Variants in UPF2 observed in about 807,000 individuals in gnomAD.
The protein encoded by UPF2 is UPF2 regulator of nonsense mediated mRNA decay.
Under a neutral mutation model 141.4 loss-of-function variants are expected in UPF2, and 17 were observed. The ratio of observed to expected loss-of-function variants is 0.12; its 90% confidence interval spans 0.08 to 0.18. The LOEUF (loss-of-function observed/expected upper bound fraction) is 0.18, where lower values mean the gene tolerates loss of function less well. Among genes scored for constraint, UPF2 ranks in the 10% least tolerant of loss-of-function variants. The probability of loss-of-function intolerance (pLI) is 1.00; values close to 1 mark genes in which losing one functional copy is unlikely to be tolerated. For synonymous variants in UPF2, 540 were observed against 498.0 expected, an observed-to-expected ratio of 1.08 and a Z score of -1.12; for missense variants, 1,152 against 1,515.9, an observed-to-expected ratio of 0.76 and a Z score of 3.99.
intron 9 of UPF2, among the ~76,000 whole-genome samples, chr10:11,967,781 C>T (rs1833346926): frequency 1.3e-5 from 2 of 152,134 alleles, no homozygotes; most frequent in African/African-American, 4.8e-5. Context: ...TCCCCAACTT[C>T]TGACCTCAGG....
rs1386049526 is a variant in UPF2, at chr10:11,935,223, C to T, written c.3546+1322G>A. ...TATCCTCTTACCCTGCTTTATCCTC[C>T]TTGGTAGCCATCCCAACGTGACTTG... is the stretch of plus-strand genomic sequence containing the variant. On this transcript the variant is annotated intron_variant, in intron 19 of 21. Coordinates refer to ENST00000357604, the MANE Select transcript of UPF2 (RefSeq NM_015542.4). The surrounding 1 kb of genome is among the most constrained non-coding windows in gnomAD (Gnocchi z 4.9). Among the ~76,000 whole-genome samples the T allele has an allele frequency of 6.6e-6, 1 of 152,118 alleles. No homozygotes were observed. The highest frequency in any genetic ancestry group is 1.5e-5 in the Non-Finnish European group (1 of 68,016).
At chr10:11,927,169 G>A (rs1026123222) in intron 21 of UPF2, among the ~76,000 whole-genome samples, 4 of 152,178 alleles carry the variant, frequency 2.6e-5, no homozygotes, top group African/African-American at 7.2e-5. Flanking sequence ...GAGTGTACAC[G>A]GAGGGAGGCA....
chr10:12,018,608 T>C (rs1219476387), intron 3 of UPF2, among the ~76,000 whole-genome samples: 23 of 151,022 alleles, frequency 1.5e-4, no homozygotes. Flanking sequence ...AAAAATTAGT[T>C]GGATGCGGTG....
chr10:12,030,320 G>C (rs1372319176), intron 2 of UPF2, among the ~76,000 whole-genome samples: 1 of 151,862 alleles, frequency 6.6e-6, no homozygotes, highest in Non-Finnish European at 1.5e-5. Context: ...GATCACCTAA[G>C]GTCAGGGGTT....
chr10:11,934,087 G>A (rs1239254382), intron 19 of UPF2, among the ~76,000 whole-genome samples: 4 of 152,204 alleles, frequency 2.6e-5, no homozygotes, highest in South Asian at 4.1e-4. Context: ...CCGGTGATGG[G>A]GGGAATGGAG....
chr10:11,950,994 G>C (rs1339097847), intron 15 of UPF2, among the ~76,000 whole-genome samples: 1 of 152,206 alleles, frequency 6.6e-6, no homozygotes, highest in African/African-American at 2.4e-5. Flanking sequence ...TGACAGACAT[G>C]AATGTACCAA....
intron 18 of UPF2, among the ~76,000 whole-genome samples, chr10:11,942,327 C>G (rs901415875): frequency 5.3e-5 from 8 of 151,976 alleles, no homozygotes; most frequent in Non-Finnish European, 4.4e-5. Context: ...GAGCTGAGAT[C>G]GTGCCACTGC....
At chr10:11,974,639 G>C (rs1466401808) in intron 9 of UPF2, among the ~76,000 whole-genome samples, 1 of 152,198 alleles carries the variant, frequency 6.6e-6, no homozygotes, top group Non-Finnish European at 1.5e-5. Context: ...AGATAAGCGT[G>C]TGGTTTTTGT....
chr10:12,034,273 T>C (rs559733975), intron 2 of UPF2, among the ~76,000 whole-genome samples: 2 of 152,264 alleles, frequency 1.3e-5, no homozygotes, highest in South Asian at 4.1e-4. Flanking sequence ...TTCAATTTTT[T>C]TAAAAAATGG....
chr10:11,926,347 T>C (rs534985959), intron 21 of UPF2, among the ~76,000 whole-genome samples: 7 of 151,566 alleles, frequency 4.6e-5, no homozygotes, highest in Non-Finnish European at 8.8e-5. Flanking sequence ...AAGTCAGAAA[T>C]GAAAATGTGA....
intron 3 of UPF2, among the ~76,000 whole-genome samples, chr10:12,024,613 AAATT>A (rs960966549): frequency 5.3e-5 from 8 of 151,762 alleles, no homozygotes; most frequent in African/African-American, 1.9e-4. Flanking sequence ...CCGTCTCGAA[AAATT>A]AATTAATTTA....
At chr10:11,954,538 G>A in intron 14 of UPF2, among the ~76,000 whole-genome samples, 1 of 151,300 alleles carries the variant, frequency 6.6e-6, no homozygotes. Context: ...GGAGGCTGAG[G>A]CAGGAGAATT....
intron 16 of UPF2, among the ~76,000 whole-genome samples, chr10:11,944,564 A>T (rs1249965898): frequency 3.9e-5 from 6 of 152,188 alleles, no homozygotes; most frequent in Admixed American, 3.9e-4. Context: ...TTCTGAATTA[A>T]TTTTATAATT....
chr10:12,026,520 C>T, intron 3 of UPF2: 1 of 380,090 alleles, frequency 2.6e-6, no homozygotes, highest in Non-Finnish European at 5.2e-6. Flanking sequence ...TAAAAGTGGA[C>T]ACATATGTCC....
At position 11,992,006 on chromosome 10, in the gene UPF2, C is replaced by T. The variant is rs540406071; in HGVS notation, c.1844+5666G>A. 1.2e-3 allele frequency among the ~76,000 whole-genome samples: 171 copies of T among 142,990 alleles called. No individual in the cohort carries two copies. Among genetic ancestry groups the T allele is most frequent in the Non-Finnish European group, 2.2e-3 (138 of 62,300 alleles). 93.8% of individuals were successfully genotyped at this position (142,990 alleles called of 152,430 possible). A position where few individuals can be genotyped will look rare whatever the true frequency, so the allele number is the denominator to read the frequency against. On this transcript the variant is annotated intron_variant, in intron 8 of 21. Coordinates refer to ENST00000357604, the MANE Select transcript of UPF2 (RefSeq NM_015542.4). The surrounding 1 kb of genome is among the most constrained non-coding windows in gnomAD (Gnocchi z 4.1). Reference sequence around the variant, plus strand: ...ACTAAAAATACAAAAATTAGCTGGGCGTGGTGGCGGGCGCCTGTAATCCCA... The same window carrying T: ...ACTAAAAATACAAAAATTAGCTGGGTGTGGTGGCGGGCGCCTGTAATCCCA...
chr10:12,038,413 CACACACAA>C (rs1170944830), intron 1 of UPF2, among the ~76,000 whole-genome samples: 7 of 149,982 alleles, frequency 4.7e-5, no homozygotes, highest in African/African-American at 1.7e-4. Context: ...CACACACACA[CACACACAA>C]ATTACCTTTA....
intron 15 of UPF2, 42 bp downstream of exon 15, chr10:11,952,024 C>G (rs1424569848): frequency 1.3e-6 from 2 of 1,584,374 alleles, no homozygotes; most frequent in South Asian, 2.2e-5. Context: ...AAATAATCTG[C>G]CAAATATCAC....
intron 8 of UPF2, among the ~76,000 whole-genome samples, chr10:11,984,314 A>C (rs1833650005): frequency 6.6e-6 from 1 of 152,174 alleles, no homozygotes; most frequent in Non-Finnish European, 1.5e-5. Context: ...TTTTTCAAAA[A>C]ATTATGTTTC....
chr10:12,011,093 C>T (rs1374800581), intron 4 of UPF2, among the ~76,000 whole-genome samples: 2 of 152,136 alleles, frequency 1.3e-5, no homozygotes, highest in Admixed American at 1.3e-4. Context: ...GCAATCTTCC[C>T]ACCTCAGCCT....
Sources: gnomAD v4.1 joint callset for allele counts (sites outside exome capture counted in the v4.1 genomes callset) on GRCh38, gnomAD v4.1.1 for gene constraint, Gnocchi (gnomAD v3.1) non-coding constraint, MANE v1.5 for transcripts, NCBI Gene and HGNC (gene_info 2026-07-23, HGNC 2026-07-21) for gene names.